TMEM132C: variants seen among roughly 807,000 people sequenced by gnomAD.
The protein encoded by TMEM132C is transmembrane protein 132C, also known as protein phosphatase 1, regulatory subunit 152.
A neutral mutation model predicts 61.4 loss-of-function variants in TMEM132C; 29 were observed. The observed-to-expected ratio is 0.47, with a 90% CI of 0.35 to 0.64. TMEM132C has a LOEUF of 0.64. Among genes scored for constraint, TMEM132C ranks in the 30% least tolerant of loss-of-function variants. The pLI is 0.00. For synonymous variants in TMEM132C, 656 were observed against 633.1 expected (o/e 1.04, Z -0.54); for missense variants, 1,408 against 1,476.9 (o/e 0.95, Z 0.76).
At chr12:128,413,298 C>CAAAAAAAAAAA in intron 1 of TMEM132C, among the ~76,000 whole-genome samples, 1 of 60,574 alleles carries the variant, frequency 1.7e-5, no homozygotes, top group Non-Finnish European at 2.7e-5. Context: ...GACTCTGTCT[C>CAAAAAAAAAAA]AAAAAAAAAA....
intron 2 of TMEM132C, among the ~76,000 whole-genome samples, chr12:128,475,085 G>T (rs1327079531): frequency 6.6e-6 from 1 of 152,132 alleles, no homozygotes; most frequent in Admixed American, 6.5e-5. Context: ...CTGCAGAAGG[G>T]CTGTGGGTGG....
chr12:128,491,713 C>T (rs1018061148), intron 2 of TMEM132C, among the ~76,000 whole-genome samples: 4 of 152,086 alleles, frequency 2.6e-5, no homozygotes, highest in African/African-American at 9.7e-5. Flanking sequence ...GGCTACCGCT[C>T]CTTGGTTCTT....
chr12:128,650,060 G>T (rs1954252726), intron 4 of TMEM132C, among the ~76,000 whole-genome samples: 1 of 152,184 alleles, frequency 6.6e-6, no homozygotes, highest in Non-Finnish European at 1.5e-5. Context: ...AATTTGCTCA[G>T]CTACCATTTG....
intron 3 of TMEM132C, among the ~76,000 whole-genome samples, chr12:128,584,142 T>C (rs1369375526): frequency 6.6e-6 from 1 of 152,202 alleles, no homozygotes; most frequent in African/African-American, 2.4e-5. Context: ...GCATTGGAGA[T>C]ATTTCTCACA....
At chr12:128,578,252 G>T (rs1430059009) in intron 3 of TMEM132C, among the ~76,000 whole-genome samples, 2 of 152,170 alleles carry the variant, frequency 1.3e-5, no homozygotes, top group Non-Finnish European at 2.9e-5. Context: ...ACAGAAGGAT[G>T]CATTTGAAAT....
At chr12:128,648,542 C>T (rs1401457169) in intron 4 of TMEM132C, among the ~76,000 whole-genome samples, 8 of 147,136 alleles carry the variant, frequency 5.4e-5, no homozygotes, top group African/African-American at 1.5e-4. Context: ...TACTGGAGTC[C>T]ATCAGCATTG....
intron 4 of TMEM132C, among the ~76,000 whole-genome samples, chr12:128,632,036 G>C (rs376831300): frequency 1.2e-4 from 18 of 152,246 alleles, no homozygotes; most frequent in African/African-American, 3.6e-4. Flanking sequence ...AGATGCCTGT[G>C]ACCCCCGGCT....
intron 1 of TMEM132C, among the ~76,000 whole-genome samples, chr12:128,374,248 C>T (rs958993708): frequency 2.0e-5 from 3 of 152,162 alleles, no homozygotes; most frequent in African/African-American, 7.2e-5. Context: ...AACTAGGACC[C>T]TCCATGGTGG....
At chr12:128,659,044 A>G (rs1954358144) in intron 4 of TMEM132C, among the ~76,000 whole-genome samples, 1 of 152,206 alleles carries the variant, frequency 6.6e-6, no homozygotes, top group African/African-American at 2.4e-5. Flanking sequence ...AGGCCTTTGG[A>G]GGAAAGAGGG....
intron 3 of TMEM132C, among the ~76,000 whole-genome samples, chr12:128,606,995 C>T (rs1037967408): frequency 3.3e-5 from 5 of 152,142 alleles, no homozygotes; most frequent in African/African-American, 7.2e-5. Context: ...TCAACAAATA[C>T]GATGAATAAG....
intron 4 of TMEM132C, among the ~76,000 whole-genome samples, chr12:128,653,127 A>G (rs1267704323): frequency 6.6e-6 from 1 of 152,256 alleles, no homozygotes; most frequent in Non-Finnish European, 1.5e-5. Flanking sequence ...CCATGCTACC[A>G]CGTGGACGAA....
chr12:128,641,081 G>A (rs1050174829), intron 4 of TMEM132C, among the ~76,000 whole-genome samples: 5 of 152,206 alleles, frequency 3.3e-5, no homozygotes, highest in Non-Finnish European at 7.3e-5. Context: ...GCAATAGCCC[G>A]TGGTTGGAAT....
chr12:128,434,073 C>G (rs750954919), intron 2 of TMEM132C, among the ~76,000 whole-genome samples: 2 of 152,222 alleles, frequency 1.3e-5, no homozygotes, highest in Non-Finnish European at 2.9e-5. Context: ...AGCTGGATGC[C>G]ACCACTCGCC....
Position 128,550,034 on chromosome 12 carries a change from G to A in TMEM132C, c.1121+5931G>A, listed in dbSNP as rs142812180. ...CAGACACTGCTCCACCCTGGTTCCC[G>A]TTAAATCTCTTTCACTGCTCTATAT... On this transcript the variant is annotated intron_variant, in intron 3 of 8. Transcript: ENST00000435159. 4.9e-3 allele frequency among the ~76,000 whole-genome samples: 750 copies of A among 152,330 alleles called. 7 individuals are homozygous for A. The highest frequency in any genetic ancestry group is 0.017 in the African/African-American group (725 of 41,572).
intron 2 of TMEM132C, among the ~76,000 whole-genome samples, chr12:128,540,173 T>C (rs1299843798): frequency 1.3e-5 from 2 of 152,230 alleles, no homozygotes; most frequent in African/African-American, 4.8e-5. Context: ...CGTGTTCTTT[T>C]TTTAAGATAT....
intron 4 of TMEM132C, among the ~76,000 whole-genome samples, chr12:128,668,316 T>C (rs1954498918): frequency 6.6e-6 from 1 of 151,646 alleles, no homozygotes; most frequent in South Asian, 2.1e-4. Context: ...GGAAAAAAGA[T>C]GTCAAGAAAA....
chr12:128,402,605 G>A (rs1875200212), intron 1 of TMEM132C, among the ~76,000 whole-genome samples: 1 of 151,842 alleles, frequency 6.6e-6, no homozygotes, highest in African/African-American at 2.4e-5. Flanking sequence ...CCCAGCCTGA[G>A]CCAATCAGAA....
chr12:128,637,973 A>G (rs1490749284), intron 4 of TMEM132C, among the ~76,000 whole-genome samples: 1 of 152,242 alleles, frequency 6.6e-6, no homozygotes, highest in Non-Finnish European at 1.5e-5. Flanking sequence ...AATTGAGATT[A>G]TTTATGCATA....
chr12:128,396,128 TG>T (rs1176755040), intron 1 of TMEM132C, among the ~76,000 whole-genome samples: 2 of 152,148 alleles, frequency 1.3e-5, no homozygotes, highest in African/African-American at 4.8e-5. Flanking sequence ...TAAAGTTCTG[TG>T]GGGGAAAAAA....
Sources: allele counts gnomAD v4.1 joint callset (sites outside exome capture counted in the v4.1 genomes callset), GRCh38; gene constraint gnomAD v4.1.1; transcripts MANE v1.5; gene names NCBI Gene and HGNC (gene_info 2026-07-23, HGNC 2026-07-21).